Variants in ZC3H12C observed in about 807,000 individuals in gnomAD.
The protein encoded by ZC3H12C is zinc finger CCCH-type containing 12C.
A neutral mutation model predicts 76.3 loss-of-function variants in ZC3H12C; 20 were observed. That is an observed-to-expected ratio of 0.26 (90% confidence interval 0.18 to 0.38). The LOEUF (loss-of-function observed/expected upper bound fraction) is 0.38. Ranked by LOEUF, ZC3H12C falls within the 10% of genes least tolerant of loss-of-function variation. The probability of loss-of-function intolerance (pLI) is 1.00; values close to 1 mark genes in which losing one functional copy is unlikely to be tolerated. For synonymous variants in ZC3H12C, 352 were observed against 399.6 expected (o/e 0.88, Z 1.42); for missense variants, 874 against 1,086.5 (o/e 0.80, Z 2.75).
intron 1 of ZC3H12C, among the ~76,000 whole-genome samples, chr11:110,116,185 C>A (rs1308958789): frequency 2.0e-5 from 3 of 152,154 alleles, no homozygotes; most frequent in Non-Finnish European, 1.5e-5. Flanking sequence ...CAATGTATTT[C>A]TTCTAAATCA....
intron 1 of ZC3H12C, among the ~76,000 whole-genome samples, chr11:110,110,730 G>C (rs904833522): frequency 6.6e-6 from 1 of 151,932 alleles, no homozygotes; most frequent in Admixed American, 6.6e-5. Flanking sequence ...TACATTGAGA[G>C]AGCCTCTGAC....
At chr11:110,161,885 C>A (rs1862487315) in intron 4 of ZC3H12C, among the ~76,000 whole-genome samples, 1 of 152,150 alleles carries the variant, frequency 6.6e-6, no homozygotes, top group South Asian at 2.1e-4. Context: ...AATCCTAGCA[C>A]TTTGGGAGGC....
intron 1 of ZC3H12C, among the ~76,000 whole-genome samples, chr11:110,128,661 C>T (rs919635726): frequency 6.6e-6 from 1 of 152,168 alleles, no homozygotes; most frequent in Non-Finnish European, 1.5e-5. Context: ...ATACTGACCT[C>T]AGTGTCTCTT....
chr11:110,128,620 AAAAG>A (rs1164351987), intron 1 of ZC3H12C, among the ~76,000 whole-genome samples: 2 of 152,198 alleles, frequency 1.3e-5, no homozygotes, highest in East Asian at 3.8e-4. Flanking sequence ...TGATATACAC[AAAAG>A]AAAGAGTTTC....
intron 2 of ZC3H12C, among the ~76,000 whole-genome samples, chr11:110,145,624 T>C (rs1423752666): frequency 6.6e-6 from 1 of 151,714 alleles, no homozygotes; most frequent in East Asian, 1.9e-4. Context: ...TTGCAGTGAC[T>C]CTAGTAAATC....
chr11:110,165,037 C>T lies in ZC3H12C; in HGVS notation c.1952C>T (p.Ser651Phe). Residue 651 changes from serine (S) to phenylalanine (F), a missense_variant, in exon 6 of 6, where the codon TCC (serine) becomes TTC (phenylalanine). By Grantham distance (155) the Ser-to-Phe change is radical. Around this residue, in one of 3 missense-constraint regions of ZC3H12C, gnomAD observed 395 missense variants for 434.4 expected, o/e 0.91. Coordinates refer to ENST00000278590, the MANE Select transcript of ZC3H12C (RefSeq NM_033390.2). ...VGYNDRSYVS[S>F]PDPQLEENLK... Reference sequence around the variant, plus strand: ...TACAATGACCGGTCCTATGTCAGCTCCCCCGACCCACAGCTAGAGGAGAAT... The same window carrying T: ...TACAATGACCGGTCCTATGTCAGCTTCCCCGACCCACAGCTAGAGGAGAAT... 6.2e-7 allele frequency: 1 copy of T among 1,613,870 alleles called. No homozygotes were observed. Among genetic ancestry groups the T allele is most frequent in the Non-Finnish European group, 8.5e-7 (1 of 1,179,902 alleles).
intron 4 of ZC3H12C, among the ~76,000 whole-genome samples, chr11:110,162,969 C>A (rs778233480): frequency 3.3e-5 from 5 of 152,102 alleles, no homozygotes; most frequent in Non-Finnish European, 7.4e-5. Flanking sequence ...TCACTGAAAT[C>A]GTTTTCTAAA....
chr11:110,114,261 A>G (rs1861485598), intron 1 of ZC3H12C, among the ~76,000 whole-genome samples: 1 of 152,112 alleles, frequency 6.6e-6, no homozygotes. Flanking sequence ...ACAGACACAT[A>G]TACCATAGGG....
At chr11:110,102,546 G>T (rs951980203) in intron 1 of ZC3H12C, among the ~76,000 whole-genome samples, 1 of 152,114 alleles carries the variant, frequency 6.6e-6, no homozygotes, top group African/African-American at 2.4e-5. Context: ...GGAATCTGCT[G>T]GTGAAGATGC....
chr11:110,127,282 T>C (rs1207706917), intron 1 of ZC3H12C, among the ~76,000 whole-genome samples: 5 of 152,238 alleles, frequency 3.3e-5, no homozygotes, highest in Admixed American at 3.3e-4. Flanking sequence ...AGCATTGTTT[T>C]GTGGTTTAAA....
chr11:110,129,429 A>C (rs186368295), intron 1 of ZC3H12C, among the ~76,000 whole-genome samples: 4 of 152,282 alleles, frequency 2.6e-5, no homozygotes, highest in Admixed American at 2.6e-4. Flanking sequence ...TCTCATTTGC[A>C]TTTGAGTAGG....
At chr11:110,119,846 T>C (rs1861622501) in intron 1 of ZC3H12C, among the ~76,000 whole-genome samples, 1 of 152,162 alleles carries the variant, frequency 6.6e-6, no homozygotes, top group African/African-American at 2.4e-5. Flanking sequence ...CTTTCACAAG[T>C]GCGGAACCTT....
rs550957728 is a variant in ZC3H12C at position 110,093,542 on chromosome 11, G to A, written c.21+110G>A. 362 of 796,848 alleles carry A rather than the reference G, an allele frequency of 4.5e-4. 9 individuals carry two copies. In the South Asian group the frequency reaches 0.019, roughly 42 times the overall value. The allele number at this position is 796,848 out of a possible 1,614,324, so 49.4% of individuals were successfully genotyped here. A position where few individuals can be genotyped will look rare whatever the true frequency, so the allele number is the denominator to read the frequency against. ...CGCGCCCGGGCGCCAGGCGGAGGGC[G>A]CCGGGGCCGCAGCGACCTCGCCGTG... On this transcript the variant is annotated intron_variant, in intron 1 of 5. Coordinates refer to ENST00000278590, the MANE Select transcript of ZC3H12C (RefSeq NM_033390.2).
chr11:110,165,856 T>C lies in ZC3H12C; in HGVS notation c.*119T>C. ...GCAAGGAGGTTATATAGTATCCATT[T>C]ATGTGAAATACTGTATCATGGAATC... On this transcript the variant is annotated 3_prime_UTR_variant, in exon 6 of 6. Coordinates refer to ENST00000278590, the MANE Select transcript of ZC3H12C (RefSeq NM_033390.2). The C allele has an allele frequency of 1.1e-6, 1 of 923,030 alleles. No individual in the cohort carries two copies. The highest frequency in any genetic ancestry group is 1.7e-5 in the South Asian group (1 of 57,348). The allele number at this position is 923,030 out of a possible 1,614,324, so 57.2% of individuals were successfully genotyped here. A position where few individuals can be genotyped will look rare whatever the true frequency, so the allele number is the denominator to read the frequency against.
Position 110,165,196 on chromosome 11 carries a change from C to G in ZC3H12C, c.2111C>G (p.Pro704Arg). ...EPKFHHKPPL[P>R]HLALHLPHSA... ...AAGTTCCATCACAAGCCTCCTCTTC[C>G]GCACCTGGCTCTGCACCTGCCGCAC... The change falls in exon 6 of 6, where the codon CCG (proline) becomes CGG (arginine). Residue 704 changes from proline to arginine, a missense_variant. Transcript: ENST00000278590. The G allele has an allele frequency of 6.2e-7, 1 of 1,613,920 alleles. No homozygotes were observed. The highest frequency in any genetic ancestry group is 8.5e-7 in the Non-Finnish European group (1 of 1,179,896).
chr11:110,149,485 T>C (rs1483974870), intron 2 of ZC3H12C, among the ~76,000 whole-genome samples: 1 of 152,194 alleles, frequency 6.6e-6, no homozygotes, highest in African/African-American at 2.4e-5. Context: ...GCCAAATTGC[T>C]CTCCCAAATA....
chr11:110,106,211 T>C lies in ZC3H12C; in HGVS notation c.21+12779T>C, dbSNP rs1861322774. Among the ~76,000 whole-genome samples the C allele has an allele frequency of 9.9e-5, 2 of 20,190 alleles. 1 individual carries two copies. Among genetic ancestry groups the C allele is most frequent in the Admixed American group, 1.2e-3 (2 of 1,720 alleles). 13.2% of individuals were successfully genotyped at this position (20,190 alleles called of 152,430 possible). ...TGAACCCGGGAGGCGGAGCTTGCAG[T>C]GAGCCGAGATCGCGCCACTGCACTC... On this transcript the variant is annotated intron_variant, in intron 1 of 5. Coordinates refer to ENST00000278590, the MANE Select transcript of ZC3H12C (RefSeq NM_033390.2).
Position 110,156,648 on chromosome 11 carries a change from G to A in ZC3H12C, c.914-2608G>A, listed in dbSNP as rs183304291. ...AGATTACTCATGAACATAAGACGACGAAAGAACTGAAAGACTTCAGAGTAT... is the reference window on the plus strand; with the variant it reads ...AGATTACTCATGAACATAAGACGACAAAAGAACTGAAAGACTTCAGAGTAT... On this transcript the variant is annotated intron_variant, in intron 3 of 5. Transcript: ENST00000278590. Among the ~76,000 whole-genome samples, 299 of 152,256 alleles carry A rather than the reference G, an allele frequency of 2.0e-3. 2 individuals carry two copies. The highest frequency in any genetic ancestry group is 6.0e-3 in the South Asian group (29 of 4,824).
At chr11:110,134,860 A>G (rs760920925) in intron 1 of ZC3H12C, among the ~76,000 whole-genome samples, 1 of 152,098 alleles carries the variant, frequency 6.6e-6, no homozygotes, top group Non-Finnish European at 1.5e-5. Flanking sequence ...CACTGAAGGA[A>G]TGTTAAGTGT....
Sources: gnomAD v4.1 joint callset for allele counts (sites outside exome capture counted in the v4.1 genomes callset) on GRCh38, gnomAD v4.1.1 for gene constraint, gnomAD v4.1.1 regional missense constraint, MANE v1.5 for transcripts, NCBI Gene and HGNC (gene_info 2026-07-23, HGNC 2026-07-21) for gene names.